Variants in CDK5RAP3 observed in about 807,000 individuals in gnomAD.
CDK5RAP3 encodes the protein CDK5 regulatory subunit-associated protein 3.
In CDK5RAP3, 58 loss-of-function variants were observed where a neutral mutation model predicts 73.3. The observed-to-expected ratio is 0.79, with a 90% CI of 0.64 to 0.98. CDK5RAP3 has a LOEUF of 0.98. Ranked by LOEUF, CDK5RAP3 falls within the 50% of genes least tolerant of loss-of-function variation. The probability of loss-of-function intolerance (pLI) is 0.00; values close to 1 mark genes in which losing one functional copy is unlikely to be tolerated. For synonymous variants in CDK5RAP3, 224 were observed against 247.5 expected (o/e 0.91, Z 0.89); for missense variants, 525 against 615.8 (o/e 0.85, Z 1.56).
Position 47,980,422 on chromosome 17 carries a change from CCAT to C in CDK5RAP3, c.1078-170_1078-168del, listed in dbSNP as rs1200656828. On this transcript the variant is annotated intron_variant, in intron 11 of 13. Transcript: ENST00000338399. ...TAGCTGGGACTACAGGCATACACCACCATGTTTGGCTAATTTTAAACATTTCTG... is the reference window on the plus strand; with the variant it reads ...TAGCTGGGACTACAGGCATACACCACGTTTGGCTAATTTTAAACATTTCTG... The C allele has an allele frequency of 4.5e-6, 3 of 669,306 alleles. No individual in the cohort carries two copies. In the Admixed American group the frequency reaches 6.5e-5, roughly 14 times the overall value. The allele number at this position is 669,306 out of a possible 1,614,324, so 41.5% of individuals were successfully genotyped here.
upstream of CDK5RAP3, chr17:47,967,910 C>T (rs1484940436): frequency 6.6e-6 from 1 of 152,256 alleles, no homozygotes; most frequent in African/African-American, 2.4e-5. Context: ...GAACTGTTCT[C>T]AAACATCCTT....
rs773246887 is a variant in CDK5RAP3 at position 47,973,570 on chromosome 17, T to G, written c.104T>G (p.Leu35Arg). ...AGCCTGAAATGGCAGAGTCTGGTGC[T>G]GACGATCCGCGAGAAGATCAATGCT... ...HCSLKWQSLV[L>R]TIREKINAAI... The change falls in exon 3 of 14, where the codon CTG becomes CGG. Residue 35 changes from leucine (L) to arginine (R), a missense_variant. Leu to Arg is a moderately radical substitution (Grantham distance 102, BLOSUM62 -2). This residue lies in a region of CDK5RAP3 where 409 missense variants were observed against 429.8 expected (regional missense o/e 0.95). Transcript: ENST00000338399. The G allele has an allele frequency of 3.3e-5, 54 of 1,614,050 alleles. No homozygotes were observed. The South Asian group carries it at 5.9e-4, about 18-fold the overall frequency.
rs1567727780 is a variant in CDK5RAP3 at position 47,980,588 on chromosome 17, C to T, written c.1078-5C>T. ...AGCCTGAACCAATCTTTCTTCTGTC[C>T]TCAGCTTGAGATCTTCTTAGCCCAG... On this transcript the variant is annotated splice_polypyrimidine_tract_variant and splice_region_variant and intron_variant, in intron 11 of 13. Transcript: ENST00000338399. 1.2e-6 allele frequency: 2 copies of T among 1,612,320 alleles called. No homozygotes were observed.
upstream of CDK5RAP3, among the ~76,000 whole-genome samples, chr17:47,968,160 G>T (rs190295931): frequency 4.6e-5 from 7 of 152,264 alleles, no homozygotes; most frequent in East Asian, 1.2e-3. Context: ...GTTTAATCAT[G>T]GAGGAGCCTG....
At chr17:47,972,689 G>T (rs1291441436) in intron 2 of CDK5RAP3, among the ~76,000 whole-genome samples, 1 of 151,730 alleles carries the variant, frequency 6.6e-6, no homozygotes. Context: ...TGTACCAGGT[G>T]CTGTTTTAGG....
At chr17:47,977,558 C>T (rs1392032328) in intron 9 of CDK5RAP3, among the ~76,000 whole-genome samples, 1 of 152,090 alleles carries the variant, frequency 6.6e-6, no homozygotes, top group Non-Finnish European at 1.5e-5. Context: ...GGATTACAAG[C>T]GTGAGCCACT....
chr17:47,976,652 C>G, intron 8 of CDK5RAP3, 60 bp from the exon 9 acceptor site: 2 of 1,186,578 alleles, frequency 1.7e-6, no homozygotes, highest in Admixed American at 3.4e-5. Context: ...ACATGAGCCA[C>G]CATGCCCGGC....
chr17:47,980,903 G>C (rs756096497), intron 12 of CDK5RAP3, 105 bp downstream of exon 12: 2 of 1,211,782 alleles, frequency 1.7e-6, no homozygotes, highest in Non-Finnish European at 2.4e-6. Flanking sequence ...CTGCCTCCTG[G>C]CCATTGCCAT....
intron 10 of CDK5RAP3, 87 bp downstream of exon 10, chr17:47,977,997 A>C: frequency 1.1e-6 from 1 of 930,860 alleles, no homozygotes; most frequent in East Asian, 2.5e-5. Flanking sequence ...CAGCGCTAAG[A>C]TGAGGCTTCT....
At chr17:47,978,768 G>A in intron 10 of CDK5RAP3, 61 bp from the exon 11 acceptor site, 1 of 1,292,084 alleles carries the variant, frequency 7.7e-7, no homozygotes, top group Non-Finnish European at 1.1e-6. Flanking sequence ...TCTCACACTT[G>A]AGGGTCTTTT....
At chr17:47,976,870 A>C in intron 9 of CDK5RAP3, 48 bp downstream of exon 9, 1 of 1,218,894 alleles carries the variant, frequency 8.2e-7, no homozygotes, top group Non-Finnish European at 1.2e-6. Flanking sequence ...TACTCTAACC[A>C]TAAGAAAAGT....
In CDK5RAP3 at chr17:47,977,812, G is replaced by C; in HGVS notation, c.910-20G>C. 1.2e-6 allele frequency: 2 copies of C among 1,610,034 alleles called. No homozygotes were observed. The highest frequency in any genetic ancestry group is 1.7e-6 in the Non-Finnish European group (2 of 1,177,316). On this transcript the variant is annotated intron_variant, in intron 9 of 13. Transcript: ENST00000338399. ...GGAAAATTCTCCCCCCATTGCTGTG[G>C]TTCTTTGCTCTCCTTCCAGGATCCT...
intron 3 of CDK5RAP3, 31 bp downstream of exon 3, chr17:47,973,681 C>A: frequency 6.2e-7 from 1 of 1,611,396 alleles, no homozygotes; most frequent in South Asian, 1.1e-5. Flanking sequence ...ACTGGAGTCC[C>A]CTCTTTGCTG....
chr17:47,980,469 G>A (rs1051021954), intron 11 of CDK5RAP3, 124 bp from the exon 12 acceptor site: 20 of 817,210 alleles, frequency 2.4e-5, no homozygotes, highest in East Asian at 2.2e-4. Context: ...GGGTCTCATC[G>A]TTTCCCAGGC....
Position 47,980,783 on chromosome 17 carries a change from T to A in CDK5RAP3, c.1268T>A (p.Ile423Asn). The A allele has an allele frequency of 1.9e-6, 3 of 1,614,218 alleles. No homozygotes were observed. The highest frequency in any genetic ancestry group is 2.5e-6 in the Non-Finnish European group (3 of 1,180,046). ...CTTCAGCTGCAACACCTGTTTATGA[T>A]CCTGGCCTCACCAAGGTCTGGCTTC... ...TSLQLQHLFM[I>N]LASPRYVDRV... The change falls in exon 12 of 14, where the codon ATC (isoleucine) becomes AAC (asparagine). Residue 423 changes from isoleucine to asparagine, a missense_variant. Physicochemically the swap from Ile to Asn is moderately radical, Grantham distance 149. Transcript: ENST00000338399.
chr17:47,976,012 C>T lies in CDK5RAP3; in HGVS notation c.797C>T (p.Ala266Val), dbSNP rs766509639. The T allele has an allele frequency of 3.5e-5, 56 of 1,613,578 alleles. 1 individual carries two copies. In the East Asian group the frequency reaches 7.6e-4, roughly 22 times the overall value. ...CTTCCTGAGCAGGTGGCAGAAGATG[C>T]GGTAAGATGGGCCTTGTGATGAGCT... ...EELPEQVAED[A>V]IDWGDFGVEA... Residue 266 changes from alanine to valine, a missense_variant and splice_region_variant, in exon 8 of 14, where the codon GCG becomes GTG. Around this residue, in one of 2 missense-constraint regions of CDK5RAP3, gnomAD observed 409 missense variants for 429.8 expected, o/e 0.95. Transcript: ENST00000338399.
At chr17:47,973,827 C>A (rs978312451) in intron 3 of CDK5RAP3, 104 bp from the exon 4 acceptor site, 4 of 1,179,934 alleles carry the variant, frequency 3.4e-6, no homozygotes, top group Non-Finnish European at 5.0e-6. Context: ...AAGCTACACA[C>A]TAAAGTTACT....
At chr17:47,977,483 G>A (rs185464731) in intron 9 of CDK5RAP3, among the ~76,000 whole-genome samples, 129 of 151,982 alleles carry the variant, frequency 8.5e-4, no homozygotes, top group African/African-American at 2.4e-3. Context: ...GGGTTTCGCC[G>A]TGTTGGCCAT....
chr17:47,970,895 T>G, upstream of CDK5RAP3: 1 of 1,441,712 alleles, frequency 6.9e-7, no homozygotes, highest in South Asian at 1.4e-5. Flanking sequence ...TCCCCTGCCC[T>G]GAGCCCGCCT....
Sources: gnomAD v4.1 joint callset for allele counts (sites outside exome capture counted in the v4.1 genomes callset) on GRCh38, gnomAD v4.1.1 for gene constraint, gnomAD v4.1.1 regional missense constraint, MANE v1.5 for transcripts, NCBI Gene and HGNC (gene_info 2026-07-23, HGNC 2026-07-21) for gene names.